Variants in NFIB observed in about 807,000 individuals in gnomAD.
NFIB encodes the protein nuclear factor 1 B-type.
In NFIB, 11 loss-of-function variants were observed where a neutral mutation model predicts 61.5. That is an observed-to-expected ratio of 0.18 (90% CI 0.11 to 0.30). NFIB has a LOEUF of 0.30. Among genes scored for constraint, NFIB ranks in the 10% least tolerant of loss-of-function variants. The probability of loss-of-function intolerance (pLI) is 1.00; values close to 1 mark genes in which losing one functional copy is unlikely to be tolerated. For synonymous variants in NFIB, 260 were observed against 216.5 expected (o/e 1.20, Z -1.76); for missense variants, 471 against 608.9 (o/e 0.77, Z 2.38).
intron 2 of NFIB, among the ~76,000 whole-genome samples, chr9:14,201,702 GA>G (rs1470190146): frequency 6.6e-6 from 1 of 151,788 alleles, no homozygotes; most frequent in Non-Finnish European, 1.5e-5. Flanking sequence ...ATAATTTTGG[GA>G]ATCTATTTAA....
intron 2 of NFIB, among the ~76,000 whole-genome samples, chr9:14,223,045 A>T (rs2051894298): frequency 6.6e-6 from 1 of 152,114 alleles, no homozygotes; most frequent in African/African-American, 2.4e-5. Context: ...ACTAACACTA[A>T]CAATAGCTGA....
chr9:14,296,573 C>T lies in NFIB; in HGVS notation c.562+10416G>A, dbSNP rs565151561. Among the ~76,000 whole-genome samples the T allele has an allele frequency of 2.6e-5, 4 of 152,218 alleles. No homozygotes were observed. In the East Asian group the frequency reaches 7.7e-4, roughly 29 times the overall value. ...GAGCTTTCATAAACAGGATTAGTGC[C>T]CTTATAAAAGAGATCCCAGAGAGCT... On this transcript the variant is annotated intron_variant, in intron 2 of 10. Transcript: ENST00000380953.
rs140089900 is a variant in NFIB at position 14,235,218 on chromosome 9, G to T, written c.563-55438C>A. Among the ~76,000 whole-genome samples, 83 of 152,168 alleles carry T rather than the reference G, an allele frequency of 5.5e-4. 1 individual carries two copies. The East Asian group carries it at 0.013, about 23-fold the overall frequency. On this transcript the variant is annotated intron_variant, in intron 2 of 10. Transcript: ENST00000380953. ...TCCATCTCATTCCTTTAAAATTCAG[G>T]CTTAAAAATTTTTTGATAAAGGCGA...
the NFIB span, among the ~76,000 whole-genome samples, chr9:14,519,130 C>T: frequency 6.6e-6 from 1 of 152,080 alleles, no homozygotes; most frequent in South Asian, 2.1e-4. Context: ...GCGGGACTGG[C>T]TTTATTTATA....
intron 1 of NFIB, among the ~76,000 whole-genome samples, chr9:14,365,440 T>G (rs1588374409): frequency 6.6e-6 from 1 of 152,236 alleles, no homozygotes; most frequent in Non-Finnish European, 1.5e-5. Context: ...ATGGCTATTC[T>G]GTCTGTGTTC....
chr9:14,237,515 C>T (rs577264000), intron 2 of NFIB, among the ~76,000 whole-genome samples: 73 of 152,258 alleles, frequency 4.8e-4, no homozygotes, highest in African/African-American at 1.4e-3. Flanking sequence ...TTAAACAGAG[C>T]TGGTGTCTGA....
chr9:14,365,471 G>T (rs2061289250), intron 1 of NFIB, among the ~76,000 whole-genome samples: 1 of 152,238 alleles, frequency 6.6e-6, no homozygotes, highest in Admixed American at 6.5e-5. Context: ...GTAGAAGAAA[G>T]ATGGTAGTAC....
chr9:14,325,981 C>T (rs1042595300), intron 1 of NFIB, among the ~76,000 whole-genome samples: 1 of 151,998 alleles, frequency 6.6e-6, no homozygotes, highest in Non-Finnish European at 1.5e-5. Flanking sequence ...TTTATTGCCT[C>T]AGGCAATAGT....
chr9:14,359,777 G>C (rs1736909427), intron 1 of NFIB, among the ~76,000 whole-genome samples: 1 of 152,044 alleles, frequency 6.6e-6, no homozygotes, highest in Non-Finnish European at 1.5e-5. Flanking sequence ...GTTGCTGGGT[G>C]GTTCCATCTT....
the NFIB span, among the ~76,000 whole-genome samples, chr9:14,463,694 T>TCA: frequency 1.5e-5 from 2 of 130,750 alleles, no homozygotes; most frequent in African/African-American, 2.9e-5. Flanking sequence ...AGACGGAGTC[T>TCA]CTGTCACCCA....
At chr9:14,184,343 C>A (rs923175115) in intron 2 of NFIB, among the ~76,000 whole-genome samples, 1 of 152,202 alleles carries the variant, frequency 6.6e-6, no homozygotes, top group Admixed American at 6.5e-5. Flanking sequence ...CCTAACCTCC[C>A]TCACCCTTCC....
intron 2 of NFIB, among the ~76,000 whole-genome samples, chr9:14,246,759 T>G (rs1213539502): frequency 6.6e-6 from 1 of 152,196 alleles, no homozygotes; most frequent in African/African-American, 2.4e-5. Context: ...GGTATATGTG[T>G]GGTTCACAGA....
chr9:14,254,398 A>C lies in NFIB; in HGVS notation c.562+52591T>G, dbSNP rs117923233. Among the ~76,000 whole-genome samples, 662 of 152,304 alleles carry C rather than the reference A, an allele frequency of 4.3e-3. 4 individuals are homozygous for C. Among genetic ancestry groups the C allele is most frequent in the Non-Finnish European group, 7.5e-3 (509 of 68,026 alleles). ...GATATGAGCTCCTCCACTGCATCTCAGTAGCTTCACATTTATACAGTACTT... is the reference window on the plus strand; with the variant it reads ...GATATGAGCTCCTCCACTGCATCTCCGTAGCTTCACATTTATACAGTACTT... On this transcript the variant is annotated intron_variant, in intron 2 of 10. Transcript: ENST00000380953.
the NFIB span, among the ~76,000 whole-genome samples, chr9:14,474,281 G>T: frequency 2.0e-5 from 3 of 152,068 alleles, no homozygotes; most frequent in African/African-American, 7.2e-5. Flanking sequence ...TCCTCTTCCT[G>T]GTTCATGGAT....
At chr9:14,357,712 A>G (rs924980497) in intron 1 of NFIB, 1 of 152,262 alleles carries the variant, frequency 6.6e-6, no homozygotes, top group African/African-American at 2.4e-5. Context: ...CAGCCTTTTC[A>G]TAATAGCCAA....
chr9:14,241,058 G>A (rs559865487), intron 2 of NFIB, among the ~76,000 whole-genome samples: 5 of 152,236 alleles, frequency 3.3e-5, no homozygotes, highest in South Asian at 2.1e-4. Context: ...TGAATCAGCC[G>A]CAGCTGAGAA....
chr9:14,321,646 A>G (rs1588306758), intron 1 of NFIB, among the ~76,000 whole-genome samples: 1 of 152,170 alleles, frequency 6.6e-6, no homozygotes, highest in African/African-American at 2.4e-5. Context: ...AGCAGAACAA[A>G]ATGCTAGATT....
At chr9:14,126,168 AGGTATGTTG>A (rs2039619097) in intron 6 of NFIB, among the ~76,000 whole-genome samples, 1 of 152,328 alleles carries the variant, frequency 6.6e-6, no homozygotes, top group African/African-American at 2.4e-5. Context: ...AACAACCTTC[AGGTATGTTG>A]GTCACGATAT....
chr9:14,458,793 AGGAATCCAACTTACAAG>A, the NFIB span, among the ~76,000 whole-genome samples: 1 of 152,104 alleles, frequency 6.6e-6, no homozygotes, highest in Non-Finnish European at 1.5e-5. Flanking sequence ...TAAAATACCT[AGGAATCCAACTTACAAG>A]GGATGTGAAG....
Sources: gnomAD v4.1 joint callset for allele counts (sites outside exome capture counted in the v4.1 genomes callset) on GRCh38, gnomAD v4.1.1 for gene constraint, MANE v1.5 for transcripts, NCBI Gene and HGNC (gene_info 2026-07-23, HGNC 2026-07-21) for gene names.